Variants in LUC7L3 observed in about 807,000 individuals in gnomAD.
LUC7L3 encodes luc7-like protein 3.
A neutral mutation model predicts 66.8 loss-of-function variants in LUC7L3; 6 were observed. The observed-to-expected ratio is 0.09, with a 90% confidence interval of 0.05 to 0.18. LUC7L3 has a LOEUF of 0.18. Among genes scored for constraint, LUC7L3 ranks in the 10% least tolerant of loss-of-function variants. The pLI is 1.00. For missense variants in LUC7L3, 341 were observed against 531.1 expected (o/e 0.64, Z 3.52); for synonymous variants, 160 against 174.7 (o/e 0.92, Z 0.66).
rs559761220 is a variant in LUC7L3 at position 50,728,989 on chromosome 17, T to A, written c.100-7971T>A. On this transcript the variant is annotated intron_variant, in intron 1 of 9. Transcript: ENST00000505658. ...TACAGTAAGTCTGCATTTAACGTCG[T>A]TAATGGGTTCTTGGAAACTATGACT... Among the ~76,000 whole-genome samples the A allele has an allele frequency of 5.9e-5, 9 of 152,342 alleles. No individual in the cohort carries two copies. The East Asian group carries it at 1.7e-3, about 29-fold the overall frequency.
rs1283268226 is a variant in LUC7L3, at chr17:50,754,279, A to C, written c.*3618A>C. The C allele has an allele frequency of 6.6e-6, 1 of 152,212 alleles. No individual in the cohort carries two copies. Among genetic ancestry groups the C allele is most frequent in the Non-Finnish European group, 1.5e-5 (1 of 68,042 alleles). 9.4% of individuals were successfully genotyped at this position (152,212 alleles called of 1,614,324 possible). Reference sequence around the variant, plus strand: ...ATTTTGGAAATTTAAAGACATACACAAAAGAGGAACAATATAATTAACCTC... The same window carrying C: ...ATTTTGGAAATTTAAAGACATACACCAAAGAGGAACAATATAATTAACCTC... On this transcript the variant is annotated 3_prime_UTR_variant, in exon 10 of 10. Coordinates refer to ENST00000505658, the MANE Select transcript of LUC7L3 (RefSeq NM_016424.5).
chr17:50,723,858 C>T lies in LUC7L3; in HGVS notation c.99+4027C>T, dbSNP rs987328761. On this transcript the variant is annotated intron_variant, in intron 1 of 9. Coordinates refer to ENST00000505658, the MANE Select transcript of LUC7L3 (RefSeq NM_016424.5). ...CCATATTGGCCAGGCTGGTCTTGAA[C>T]TCCTGACCTCAAGTGATCGGTCCGC... is the stretch of plus-strand genomic sequence containing the variant. 31 of 397,420 alleles carry T rather than the reference C, an allele frequency of 7.8e-5. No individual in the cohort carries two copies. The Admixed American group carries it at 8.9e-4, about 11-fold the overall frequency. The allele number at this position is 397,420 out of a possible 1,614,324, so 24.6% of individuals were successfully genotyped here.
chr17:50,739,370 A>G (rs1402290988), intron 2 of LUC7L3, among the ~76,000 whole-genome samples: 1 of 152,130 alleles, frequency 6.6e-6, no homozygotes, highest in Non-Finnish European at 1.5e-5. Context: ...TTGAAAATAT[A>G]GAGAAAAAAC....
At chr17:50,747,748 TTAAAA>T (rs1277960918) in intron 9 of LUC7L3, among the ~76,000 whole-genome samples, 1 of 152,242 alleles carries the variant, frequency 6.6e-6, no homozygotes, top group African/African-American at 2.4e-5. Flanking sequence ...TTTTATTTTC[TTAAAA>T]TAAGCACACA....
intron 3 of LUC7L3, 64 bp from the exon 4 acceptor site, chr17:50,741,038 G>A: frequency 6.6e-7 from 1 of 1,516,018 alleles, no homozygotes; most frequent in Non-Finnish European, 9.2e-7. Flanking sequence ...AGTTAAGATA[G>A]AATATTTGAG....
rs746987579 is a variant in LUC7L3, at chr17:50,745,789, G to C, written c.763G>C (p.Glu255Gln). The C allele has an allele frequency of 6.2e-7, 1 of 1,600,108 alleles. No individual in the cohort carries two copies. The highest frequency in any genetic ancestry group is 8.5e-7 in the Non-Finnish European group (1 of 1,172,704). ...ERLKKEKQER[E>Q]EREKERERER... ...TCTAAAAAAGGAGAAGCAAGAAAGA[G>C]AAGAAAGAGAAAAAGAACGGGAGAG... is the stretch of plus-strand genomic sequence containing the variant. Residue 255 changes from glutamate (E) to glutamine (Q), a missense_variant, in exon 8 of 10, where the codon GAA becomes CAA. Glu to Gln is a conservative substitution (Grantham distance 29, BLOSUM62 2). Coordinates refer to ENST00000505658, the MANE Select transcript of LUC7L3 (RefSeq NM_016424.5).
At position 50,756,153 on chromosome 17, in the gene LUC7L3, G is replaced by C. The variant is rs779604961; in HGVS notation, c.*5492G>C. On this transcript the variant is annotated 3_prime_UTR_variant, in exon 10 of 10. Transcript: ENST00000505658. ...CTGTGGGCATTTCCTTTTTTAATCTGTATGTTTATGTGCTTTTGTATGTAT... is the reference window on the plus strand; with the variant it reads ...CTGTGGGCATTTCCTTTTTTAATCTCTATGTTTATGTGCTTTTGTATGTAT... The C allele has an allele frequency of 5.9e-5, 9 of 152,046 alleles. No individual in the cohort carries two copies. The highest frequency in any genetic ancestry group is 1.0e-4 in the Non-Finnish European group (7 of 68,004). 9.4% of individuals were successfully genotyped at this position (152,046 alleles called of 1,614,324 possible). A position where few individuals can be genotyped will look rare whatever the true frequency, so the allele number is the denominator to read the frequency against.
At chr17:50,722,523 T>C (rs1467179360) in intron 1 of LUC7L3, 2 of 152,242 alleles carry the variant, frequency 1.3e-5, no homozygotes, top group African/African-American at 4.8e-5. Context: ...CTAAAGTTTG[T>C]GACCTACTGT....
In LUC7L3 at chr17:50,753,816, C is replaced by CGTCT. The variant is rs1567884286; in HGVS notation, c.*3156_*3159dup. On this transcript the variant is annotated 3_prime_UTR_variant, in exon 10 of 10. Transcript: ENST00000505658. ...TCTGCTCTGCCTCATCTAGAATCAA[C>CGTCT]GTCTAACTAACTTAAATGAAGTATA... 1 of 152,092 alleles carries CGTCT rather than the reference C, an allele frequency of 6.6e-6. No individual in the cohort carries two copies. The highest frequency in any genetic ancestry group is 2.4e-5 in the African/African-American group (1 of 41,398). The allele number at this position is 152,092 out of a possible 1,614,324, so 9.4% of individuals were successfully genotyped here.
Position 50,756,097 on chromosome 17 carries a change from A to G in LUC7L3, c.*5436A>G, listed in dbSNP as rs1159576683. The G allele has an allele frequency of 1.3e-5, 2 of 152,222 alleles. No homozygotes were observed. The highest frequency in any genetic ancestry group is 2.9e-5 in the Non-Finnish European group (2 of 68,034). 9.4% of individuals were successfully genotyped at this position (152,222 alleles called of 1,614,324 possible). A position where few individuals can be genotyped will look rare whatever the true frequency, so the allele number is the denominator to read the frequency against. On this transcript the variant is annotated 3_prime_UTR_variant, in exon 10 of 10. Transcript: ENST00000505658. ...TGATCATGAGGGCACAGGGGTCTTC[A>G]GAAGAACTGGTGAGGGTCTGTTTCT...
In LUC7L3 at chr17:50,754,244, A is replaced by C. The variant is rs1971069162; in HGVS notation, c.*3583A>C. 6.6e-6 allele frequency: 1 copy of C among 152,090 alleles called. No homozygotes were observed. The allele number at this position is 152,090 out of a possible 1,614,324, so 9.4% of individuals were successfully genotyped here. ...CTGCAATCAGTTGGTCTTAAAAAAA[A>C]AAAAACTTTATTTTGGAAATTTAAA... On this transcript the variant is annotated 3_prime_UTR_variant, in exon 10 of 10. Transcript: ENST00000505658.
At chr17:50,737,057 A>G (rs372967364) in intron 2 of LUC7L3, 31 bp downstream of exon 2, 60 of 1,507,060 alleles carry the variant, frequency 4.0e-5, no homozygotes, top group Non-Finnish European at 5.2e-5. Flanking sequence ...ACTTTTATCA[A>G]ATTTATGATA....
Position 50,741,175 on chromosome 17 carries a change from G to A in LUC7L3, c.280G>A (p.Ala94Thr). ...DFLRYLQSLL[A>T]EVERRIRRGH... ...TTTGCGATACTTACAGAGCTTACTT[G>A]CAGAAGTAGAACGTAGGATCAGACG... The change falls in exon 4 of 10, where the codon GCA becomes ACA. Residue 94 changes from alanine (A) to threonine (T), a missense_variant. Physicochemically the swap from Ala to Thr is moderately conservative, Grantham distance 58. This residue lies in a region of LUC7L3 where 86 missense variants were observed against 172.0 expected (regional missense o/e 0.50). Transcript: ENST00000505658. The A allele has an allele frequency of 6.2e-7, 1 of 1,614,202 alleles. No homozygotes were observed. The highest frequency in any genetic ancestry group is 8.5e-7 in the Non-Finnish European group (1 of 1,180,026).
intron 9 of LUC7L3, chr17:50,748,482 A>AT (rs68016612): frequency 2.4e-3 from 342 of 141,528 alleles, no homozygotes; most frequent in South Asian, 0.01. Flanking sequence ...TGCTTGGCTA[A>AT]TTTTTTTTTT....
At chr17:50,738,936 A>G (rs940417541) in intron 2 of LUC7L3, among the ~76,000 whole-genome samples, 1 of 152,126 alleles carries the variant, frequency 6.6e-6, no homozygotes, top group African/African-American at 2.4e-5. Context: ...ATTATGAATC[A>G]GAATGGCCTA....
At chr17:50,740,423 C>A in intron 3 of LUC7L3, 78 bp downstream of exon 3, 2 of 1,327,006 alleles carry the variant, frequency 1.5e-6, no homozygotes, top group Non-Finnish European at 2.1e-6. Context: ...GGAATAATTG[C>A]AATTAAATGT....
chr17:50,727,948 C>CAA lies in LUC7L3; in HGVS notation c.99+8131_99+8132dup, dbSNP rs5820830. Among the ~76,000 whole-genome samples the CAA allele has an allele frequency of 4.3e-3, 570 of 134,054 alleles. 2 individuals carry two copies. The highest frequency in any genetic ancestry group is 0.012 in the African/African-American group (461 of 37,166). 87.9% of individuals were successfully genotyped at this position (134,054 alleles called of 152,430 possible). A position where few individuals can be genotyped will look rare whatever the true frequency, so the allele number is the denominator to read the frequency against. On this transcript the variant is annotated intron_variant, in intron 1 of 9. Coordinates refer to ENST00000505658, the MANE Select transcript of LUC7L3 (RefSeq NM_016424.5). ...TGAAACCCCATCTCTACTAAAAATA[C>CAA]AAAAAAAAAAAAAAATTAGCTGGGC...
intron 1 of LUC7L3, among the ~76,000 whole-genome samples, chr17:50,721,905 T>A (rs1315349861): frequency 6.6e-6 from 1 of 151,984 alleles, no homozygotes; most frequent in Non-Finnish European, 1.5e-5. Context: ...GATGGGGCCC[T>A]TGTTTTTTTT....
At chr17:50,749,281 C>T (rs1184725690) in intron 9 of LUC7L3, 2 of 1,289,340 alleles carry the variant, frequency 1.6e-6, no homozygotes, top group Admixed American at 2.3e-5. Flanking sequence ...ACGACTCTTC[C>T]TCATTGAAGC....
Sources: allele counts gnomAD v4.1 joint callset (sites outside exome capture counted in the v4.1 genomes callset), GRCh38; gene constraint gnomAD v4.1.1; regional missense constraint gnomAD v4.1.1; transcripts MANE v1.5; gene names NCBI Gene and HGNC (gene_info 2026-07-23, HGNC 2026-07-21).